Variants in POR observed in about 807,000 individuals in gnomAD.
The protein encoded by POR is NADPH--cytochrome P450 reductase.
A neutral mutation model predicts 84.0 loss-of-function variants in POR; 56 were observed. That is an observed-to-expected ratio of 0.67 (90% CI 0.54 to 0.83). The LOEUF is 0.83. POR is among the 40% of genes least tolerant of loss of function. The probability of loss-of-function intolerance (pLI) is 0.00; values close to 1 mark genes in which losing one functional copy is unlikely to be tolerated. For missense variants in POR, 938 were observed against 944.3 expected, an observed-to-expected ratio of 0.99 and a Z score of 0.09; for synonymous variants, 414 against 400.5, an observed-to-expected ratio of 1.03 and a Z score of -0.40.
chr7:75,949,397 A>G (rs1196069926), intron 1 of POR, among the ~76,000 whole-genome samples: 7 of 151,350 alleles, frequency 4.6e-5, no homozygotes, highest in African/African-American at 1.5e-4. Flanking sequence ...CTCGTGATCC[A>G]CCCGCCTCGG....
At chr7:75,947,966 C>G (rs971167748) in intron 1 of POR, among the ~76,000 whole-genome samples, 1 of 152,178 alleles carries the variant, frequency 6.6e-6, no homozygotes, top group Non-Finnish European at 1.5e-5. Flanking sequence ...CCCAGGCACA[C>G]TGCTTGGATC....
At chr7:75,930,958 G>A (rs1807385701) in intron 1 of POR, among the ~76,000 whole-genome samples, 1 of 152,148 alleles carries the variant, frequency 6.6e-6, no homozygotes, top group African/African-American at 2.4e-5. Flanking sequence ...GAGTAGCGGG[G>A]ACTACAGGTG....
intron 1 of POR, among the ~76,000 whole-genome samples, chr7:75,945,949 G>T (rs1787152903): frequency 6.6e-6 from 1 of 152,146 alleles, no homozygotes; most frequent in African/African-American, 2.4e-5. Context: ...GAGAGCCCTT[G>T]TGTTCTTGCG....
chr7:75,915,888 T>G (rs1806542257), intron 1 of POR: 1 of 152,256 alleles, frequency 6.6e-6, no homozygotes, highest in African/African-American at 2.4e-5. Context: ...CTTGATTGAC[T>G]TCGACTTTCT....
chr7:75,928,293 G>T (rs1236671644), intron 1 of POR, among the ~76,000 whole-genome samples: 2 of 152,080 alleles, frequency 1.3e-5, no homozygotes, highest in African/African-American at 4.8e-5. Context: ...TAAAAATCAG[G>T]TTTATAGGTC....
At chr7:75,974,881 T>C (rs73366014) in intron 3 of POR, among the ~76,000 whole-genome samples, 8,369 of 152,234 alleles carry the variant, frequency 0.055, 742 homozygotes, top group African/African-American at 0.19. Flanking sequence ...TGCTTTTCTG[T>C]TGGGATTGAT....
intron 2 of POR, among the ~76,000 whole-genome samples, chr7:75,957,511 T>C (rs1312991427): frequency 6.6e-6 from 1 of 150,462 alleles, no homozygotes; most frequent in Non-Finnish European, 1.5e-5. Flanking sequence ...CCCACCGCCG[T>C]GAGTGAGGAC....
At position 75,985,909 on chromosome 7, in the gene POR, C is replaced by T; in HGVS notation, c.1670-14C>T. 2.5e-6 allele frequency: 4 copies of T among 1,572,864 alleles called. No individual in the cohort carries two copies. The highest frequency in any genetic ancestry group is 3.5e-6 in the Non-Finnish European group (4 of 1,158,334). ...ACTGGGAGCCCCGCGCTCACCCCGG[C>T]CCCTGCCACGCAGGCAAGGAGGTGG... On this transcript the variant is annotated splice_polypyrimidine_tract_variant and intron_variant, in intron 13 of 15. Transcript: ENST00000461988.
At chr7:75,938,617 G>A (rs1159694422) in intron 1 of POR, among the ~76,000 whole-genome samples, 1 of 152,084 alleles carries the variant, frequency 6.6e-6, no homozygotes, top group African/African-American at 2.4e-5. Context: ...AAAATCAGCT[G>A]GTATGGTGGT....
chr7:75,970,167 T>C (rs1255221521), intron 2 of POR, among the ~76,000 whole-genome samples: 3 of 152,106 alleles, frequency 2.0e-5, no homozygotes, highest in African/African-American at 7.2e-5. Flanking sequence ...ACTTTTCTCT[T>C]GTTTAAAATA....
At chr7:75,962,578 G>A (rs560173649) in intron 2 of POR, among the ~76,000 whole-genome samples, 1 of 152,266 alleles carries the variant, frequency 6.6e-6, no homozygotes, top group Admixed American at 6.5e-5. Context: ...GCTAGGATTA[G>A]GATTACAGGC....
intron 2 of POR, among the ~76,000 whole-genome samples, chr7:75,970,533 A>T (rs1788384300): frequency 6.6e-6 from 1 of 151,470 alleles, no homozygotes; most frequent in Admixed American, 6.6e-5. Context: ...TTTTTTTTTT[A>T]GAGGTAGAGT....
intron 1 of POR, among the ~76,000 whole-genome samples, chr7:75,951,534 A>G (rs1315863975): frequency 1.3e-5 from 2 of 152,214 alleles, no homozygotes; most frequent in Non-Finnish European, 2.9e-5. Flanking sequence ...CAGGTTGTGT[A>G]GCAGTAGACC....
intron 1 of POR, among the ~76,000 whole-genome samples, chr7:75,920,321 C>T (rs1021444752): frequency 1.3e-5 from 2 of 152,142 alleles, no homozygotes; most frequent in South Asian, 4.1e-4. Flanking sequence ...CCACCCGCCT[C>T]AGCCTCCCAA....
intron 1 of POR, among the ~76,000 whole-genome samples, chr7:75,948,181 C>T (rs1467560828): frequency 3.3e-5 from 5 of 152,192 alleles, no homozygotes; most frequent in South Asian, 2.1e-4. Flanking sequence ...GTGCTTACCC[C>T]GTGTGGCCTC....
At chr7:75,963,475 G>A (rs1486374735) in intron 2 of POR, among the ~76,000 whole-genome samples, 1 of 152,216 alleles carries the variant, frequency 6.6e-6, no homozygotes, top group Non-Finnish European at 1.5e-5. Flanking sequence ...TCTGACAAGT[G>A]CTTGAAACTC....
At chr7:75,973,279 AAAAC>A (rs1455848465) in intron 3 of POR, among the ~76,000 whole-genome samples, 2 of 152,330 alleles carry the variant, frequency 1.3e-5, no homozygotes, top group East Asian at 1.9e-4. Flanking sequence ...ACATACAAGT[AAAAC>A]AAACAGAGAC....
At chr7:75,981,828 C>T (rs1372020815) in intron 7 of POR, 4 of 589,504 alleles carry the variant, frequency 6.8e-6, no homozygotes, top group Admixed American at 3.1e-5. Context: ...AAGGACACAT[C>T]GCGTCGGGCT....
At chr7:75,949,084 G>A (rs113662448) in intron 1 of POR, among the ~76,000 whole-genome samples, 11,852 of 152,248 alleles carry the variant, frequency 0.078, 1,445 homozygotes, top group African/African-American at 0.26. Context: ...GTGGGAGTGG[G>A]TTCTGAGGGC....
Sources: allele counts gnomAD v4.1 joint callset (sites outside exome capture counted in the v4.1 genomes callset), GRCh38; gene constraint gnomAD v4.1.1; transcripts MANE v1.5; gene names NCBI Gene and HGNC (gene_info 2026-07-23, HGNC 2026-07-21).